Variants in ULK4 observed in about 807,000 individuals in gnomAD.
ULK4 encodes the protein inactive serine/threonine-protein kinase ULK4.
Under a neutral mutation model 160.6 loss-of-function variants are expected in ULK4, and 133 were observed. The ratio of observed to expected loss-of-function variants is 0.83; its 90% CI spans 0.72 to 0.96. The LOEUF (loss-of-function observed/expected upper bound fraction) is 0.96, where lower values mean the gene tolerates loss of function less well. Among genes scored for constraint, ULK4 ranks in the 40% least tolerant of loss-of-function variants. The pLI is 0.00. For missense variants in ULK4, 1,580 were observed against 1,499.5 expected (o/e 1.05, Z -0.89); for synonymous variants, 534 against 539.8 (o/e 0.99, Z 0.15).
chr3:41,516,723 T>C (rs1027929575), intron 32 of ULK4, among the ~76,000 whole-genome samples: 12 of 150,870 alleles, frequency 8.0e-5, no homozygotes, highest in African/African-American at 2.7e-4. Context: ...AAGGTTGAGA[T>C]GGTTAATGAG....
intron 32 of ULK4, among the ~76,000 whole-genome samples, chr3:41,531,057 C>T (rs778867363): frequency 6.6e-5 from 10 of 151,174 alleles, no homozygotes; most frequent in African/African-American, 1.9e-4. Flanking sequence ...CCACCGCGCC[C>T]GGCCCAAAAT....
intron 35 of ULK4, among the ~76,000 whole-genome samples, chr3:41,272,829 A>ACT (rs939649239): frequency 6.6e-6 from 1 of 152,148 alleles, no homozygotes; most frequent in Non-Finnish European, 1.5e-5. Flanking sequence ...CACACTCAGT[A>ACT]ATTTTTCTTC....
At chr3:41,873,153 A>G (rs915687043) in intron 17 of ULK4, among the ~76,000 whole-genome samples, 4 of 152,178 alleles carry the variant, frequency 2.6e-5, no homozygotes, top group African/African-American at 9.7e-5. Context: ...CTCCATCTCA[A>G]ATAAATAAAT....
At position 41,870,913 on chromosome 3, in the gene ULK4, G is replaced by A. The variant is rs1575859809; in HGVS notation, c.1656+12961C>T. On this transcript the variant is annotated intron_variant, in intron 17 of 36. Coordinates refer to ENST00000301831, the MANE Select transcript of ULK4 (RefSeq NM_017886.4). The stretch of plus-strand genomic sequence containing the variant: ...CATGTCAAGGGTGGGACCAGGTGGA[G>A]GTAACTGAATCATGGGGGTGGTTTC... Among the ~76,000 whole-genome samples, 3 of 152,286 alleles carry A rather than the reference G, an allele frequency of 2.0e-5. No individual in the cohort carries two copies. The South Asian group carries it at 6.2e-4, about 32-fold the overall frequency.
intron 5 of ULK4, among the ~76,000 whole-genome samples, chr3:41,924,478 G>A (rs1367844327): frequency 6.6e-6 from 1 of 152,182 alleles, no homozygotes; most frequent in Non-Finnish European, 1.5e-5. Context: ...ATTAAGTTCA[G>A]AAGTAAGCAT....
chr3:41,571,430 A>G (rs969263388), intron 31 of ULK4, among the ~76,000 whole-genome samples: 3 of 152,266 alleles, frequency 2.0e-5, no homozygotes, highest in Non-Finnish European at 4.4e-5. Context: ...CATTTATCTT[A>G]GCAGCTTTAA....
rs115666315 is a variant in ULK4, at chr3:41,785,564, T to C, written c.2193+4097A>G. 6.7e-3 allele frequency among the ~76,000 whole-genome samples: 1,016 copies of C among 152,266 alleles called. 12 individuals carry two copies. Among genetic ancestry groups the C allele is most frequent in the African/African-American group, 0.023 (974 of 41,534 alleles). On this transcript the variant is annotated intron_variant, in intron 21 of 36. Coordinates refer to ENST00000301831, the MANE Select transcript of ULK4 (RefSeq NM_017886.4). The stretch of plus-strand genomic sequence containing the variant: ...GTTTCCATTGTAAAAGACCATAATA[T>C]ATGAGCGTCAATCCCGCCAAAAAAC...
intron 19 of ULK4, among the ~76,000 whole-genome samples, chr3:41,803,679 C>T (rs1215894047): frequency 1.3e-5 from 2 of 152,112 alleles, no homozygotes; most frequent in Non-Finnish European, 2.9e-5. Flanking sequence ...TGTTCCCCTT[C>T]CTGTGTCCAT....
chr3:41,743,487 G>T (rs925272206), intron 22 of ULK4, among the ~76,000 whole-genome samples: 4 of 151,692 alleles, frequency 2.6e-5, no homozygotes, highest in Non-Finnish European at 5.9e-5. Context: ...CTAAAGAAGT[G>T]ATAATAGAAG....
At chr3:41,248,055 G>C (rs1021871807) in intron 36 of ULK4, among the ~76,000 whole-genome samples, 28 of 152,160 alleles carry the variant, frequency 1.8e-4, no homozygotes, top group African/African-American at 6.5e-4. Flanking sequence ...ACCTTGTTTT[G>C]ACACATTTGG....
rs187205214 is a variant in ULK4, at chr3:41,389,739, A to G, written c.3678+8340T>C. 7.8e-3 allele frequency among the ~76,000 whole-genome samples: 1,187 copies of G among 152,286 alleles called. 7 individuals carry two copies. The highest frequency in any genetic ancestry group is 0.017 in the Middle Eastern group (5 of 294). On this transcript the variant is annotated intron_variant, in intron 35 of 36. Transcript: ENST00000301831. Reference sequence around the variant, plus strand: ...GATGAAGCCCACTTGATCATGGTGGATAAGCTTCTTGATGTGCTGCTGGAT... The same window carrying G: ...GATGAAGCCCACTTGATCATGGTGGGTAAGCTTCTTGATGTGCTGCTGGAT...
intron 25 of ULK4, among the ~76,000 whole-genome samples, chr3:41,714,350 T>TCA (rs2037193892): frequency 6.6e-6 from 1 of 152,180 alleles, no homozygotes; most frequent in Admixed American, 6.5e-5. Context: ...AACCATATCC[T>TCA]CACTTGTTGT....
intron 22 of ULK4, among the ~76,000 whole-genome samples, chr3:41,735,811 A>G (rs1312934332): frequency 6.6e-6 from 1 of 150,706 alleles, no homozygotes; most frequent in Admixed American, 6.6e-5. Flanking sequence ...ACTGGTCATT[A>G]GGTATATCCC....
intron 34 of ULK4, among the ~76,000 whole-genome samples, chr3:41,398,922 C>T (rs542825016): frequency 6.6e-6 from 1 of 152,122 alleles, no homozygotes; most frequent in East Asian, 1.9e-4. Context: ...TTACCTCATA[C>T]ATATATCCTT....
intron 12 of ULK4, among the ~76,000 whole-genome samples, chr3:41,901,959 A>T (rs1698382888): frequency 6.6e-6 from 1 of 152,214 alleles, no homozygotes. Context: ...TAATGAAATG[A>T]ATCAGCAGAT....
Position 41,663,614 on chromosome 3 carries a change from A to C in ULK4, c.3064T>G (p.Phe1022Val), listed in dbSNP as rs201563325. The stretch of plus-strand genomic sequence containing the variant: ...AATTTGAACTTCCAGTACCTTGTGA[A>C]AGTTGGGTTGTGTTCAGTCATCGCG... ...LVAMTEHNPT[F>V]TRLVEESKLI... The change falls in exon 30 of 37, where the codon TTC (phenylalanine) becomes GTC (valine). Residue 1022 changes from phenylalanine to valine, a missense_variant. Physicochemically the swap from Phe to Val is conservative, Grantham distance 50. Coordinates refer to ENST00000301831, the MANE Select transcript of ULK4 (RefSeq NM_017886.4). The C allele has an allele frequency of 1.3e-4, 210 of 1,613,536 alleles. No individual in the cohort carries two copies. The highest frequency in any genetic ancestry group is 6.8e-6 in the Non-Finnish European group (8 of 1,179,624).
At chr3:41,795,684 CA>C (rs1354886719) in intron 20 of ULK4, among the ~76,000 whole-genome samples, 1 of 152,020 alleles carries the variant, frequency 6.6e-6, no homozygotes, top group Non-Finnish European at 1.5e-5. Flanking sequence ...TTAACCCTTC[CA>C]AAAAAATTGA....
At chr3:41,364,715 C>T (rs1038803508) in intron 35 of ULK4, among the ~76,000 whole-genome samples, 45 of 152,096 alleles carry the variant, frequency 3.0e-4, no homozygotes, top group African/African-American at 1.1e-3. Context: ...TAGAAATACA[C>T]AAACAAACAC....
chr3:41,835,965 C>T lies in ULK4; in HGVS notation c.1663G>A (p.Val555Ile), dbSNP rs750859507. The T allele has an allele frequency of 6.6e-7, 1 of 1,526,050 alleles. No individual in the cohort carries two copies. Among genetic ancestry groups the T allele is most frequent in the Middle Eastern group, 1.8e-4 (1 of 5,486 alleles). 94.5% of individuals were successfully genotyped at this position (1,526,050 alleles called of 1,614,324 possible). A position where few individuals can be genotyped will look rare whatever the true frequency, so the allele number is the denominator to read the frequency against. ...QENTPVVEAI[V>I]LLTELIRENF... ...TCCCTAATTAATTCAGTTAAGAGAA[C>T]AATTGCCTGCAAAGACAAAAAAAAA... The change falls in exon 18 of 37, where the codon GTT becomes ATT. Residue 555 changes from valine to isoleucine, a missense_variant. Transcript: ENST00000301831.
Sources: gnomAD v4.1 joint callset for allele counts (sites outside exome capture counted in the v4.1 genomes callset) on GRCh38, gnomAD v4.1.1 for gene constraint, MANE v1.5 for transcripts, NCBI Gene and HGNC (gene_info 2026-07-23, HGNC 2026-07-21) for gene names.